PCDHA6: variants seen among roughly 807,000 people sequenced by gnomAD.
PCDHA6 encodes protocadherin alpha-6.
In PCDHA6, 55 loss-of-function variants were observed where a neutral mutation model predicts 60.3. The observed-to-expected ratio is 0.91, with a 90% CI of 0.73 to 1.14. The LOEUF (loss-of-function observed/expected upper bound fraction) is 1.14, where lower values mean the gene tolerates loss of function less well. PCDHA6 is among the 50% of genes most tolerant of loss of function. The pLI, the probability that PCDHA6 is intolerant of heterozygous loss-of-function variation, is 0.00. For missense variants in PCDHA6, 1,327 were observed against 1,256.5 expected, an observed-to-expected ratio of 1.06 and a Z score of -0.85; for synonymous variants, 652 against 557.9, an observed-to-expected ratio of 1.17 and a Z score of -2.38.
intron 1 of PCDHA6, chr5:140,863,859 G>A (rs1448688968): frequency 1.7e-5 from 3 of 176,552 alleles, no homozygotes; most frequent in African/African-American, 4.8e-5. Flanking sequence ...AAATTAGCTG[G>A]GTGTGGTGGT....
intron 1 of PCDHA6, among the ~76,000 whole-genome samples, chr5:140,955,338 C>T (rs1232401709): frequency 6.6e-6 from 1 of 152,062 alleles, no homozygotes; most frequent in African/African-American, 2.4e-5. Flanking sequence ...TCCCATAATC[C>T]CCACATGTTG....
intron 1 of PCDHA6, chr5:140,929,227 G>T (rs141300036): frequency 1.2e-6 from 2 of 1,613,774 alleles, no homozygotes; most frequent in Non-Finnish European, 1.7e-6. Context: ...CAATGCTGCC[G>T]ACCTGCGAAA....
At chr5:140,875,953 G>T (rs782793293) in intron 1 of PCDHA6, 1 of 1,614,066 alleles carries the variant, frequency 6.2e-7, no homozygotes, top group African/African-American at 1.3e-5. Context: ...TTCTGATGCG[G>T]ATATCGGCGT....
At chr5:140,988,942 G>C (rs1236805502) in intron 3 of PCDHA6, 1 of 152,180 alleles carries the variant, frequency 6.6e-6, no homozygotes, top group East Asian at 1.9e-4. Context: ...CTCTTAGGCT[G>C]CAGTTTCCTT....
At chr5:140,876,328 C>A in intron 1 of PCDHA6, 1 of 1,613,940 alleles carries the variant, frequency 6.2e-7, no homozygotes, top group Non-Finnish European at 8.5e-7. Flanking sequence ...AATGATTTTG[C>A]CAGTGAGTGA....
chr5:140,932,430 G>A (rs1563132683), intron 1 of PCDHA6, among the ~76,000 whole-genome samples: 1 of 151,794 alleles, frequency 6.6e-6, no homozygotes, highest in East Asian at 1.9e-4. Context: ...TGTTCACCTG[G>A]AATTAAAGCA....
chr5:140,924,978 T>A (rs2082232142), intron 1 of PCDHA6, among the ~76,000 whole-genome samples: 1 of 151,330 alleles, frequency 6.6e-6, no homozygotes, highest in Non-Finnish European at 1.5e-5. Flanking sequence ...CAGTGGCTCA[T>A]GTCTGTAATC....
Position 140,856,093 on chromosome 5 carries a change from C to T in PCDHA6, c.2394+25608C>T, listed in dbSNP as rs533343357. 16 of 1,597,146 alleles carry T rather than the reference C, an allele frequency of 1.0e-5. 3 individuals are homozygous for T. Among genetic ancestry groups the T allele is most frequent in the South Asian group, 7.7e-5 (7 of 90,462 alleles). ...GCCTGGGGGTCCAGTGTCTGCTGCT[C>T]TCGCTTCTTCTCCTCGCAGCCTGGG... is the stretch of plus-strand genomic sequence containing the variant. On this transcript the variant is annotated intron_variant, in intron 1 of 3. Coordinates refer to ENST00000529310, the MANE Select transcript of PCDHA6 (RefSeq NM_018909.4).
intron 1 of PCDHA6, chr5:140,862,360 G>C (rs920511235): frequency 6.0e-6 from 2 of 334,746 alleles, no homozygotes; most frequent in Non-Finnish European, 1.2e-5. Flanking sequence ...AGGGACAGAC[G>C]ACCCGCACCC....
chr5:140,871,253 A>G (rs1372338399), intron 1 of PCDHA6: 1 of 1,613,856 alleles, frequency 6.2e-7, no homozygotes, highest in Non-Finnish European at 8.5e-7. Context: ...CTGCTGCTGT[A>G]TACGGCGCTG....
At chr5:140,941,095 A>C (rs2092727620) in intron 1 of PCDHA6, among the ~76,000 whole-genome samples, 1 of 152,062 alleles carries the variant, frequency 6.6e-6, no homozygotes, top group South Asian at 2.1e-4. Flanking sequence ...TAGTTTTCAC[A>C]TACTATTACT....
At chr5:140,967,279 T>A in intron 1 of PCDHA6, 1 of 1,613,002 alleles carries the variant, frequency 6.2e-7, no homozygotes, top group Non-Finnish European at 8.5e-7. Context: ...ACATAGAGAG[T>A]GCGCAGGACC....
intron 1 of PCDHA6, among the ~76,000 whole-genome samples, chr5:140,844,624 A>G (rs1293220990): frequency 6.7e-6 from 1 of 149,582 alleles, no homozygotes; most frequent in Non-Finnish European, 1.5e-5. Context: ...TTTCATCAGA[A>G]AAACTATACA....
At chr5:140,837,516 C>CT (rs1554136502) in intron 1 of PCDHA6, among the ~76,000 whole-genome samples, 2 of 151,568 alleles carry the variant, frequency 1.3e-5, no homozygotes, top group African/African-American at 4.9e-5. Flanking sequence ...AAGCAGTTTA[C>CT]TTTTTTTGTA....
chr5:140,834,695 C>A (rs2150224453), intron 1 of PCDHA6: 1 of 1,614,120 alleles, frequency 6.2e-7, no homozygotes, highest in Non-Finnish European at 8.5e-7. Context: ...AGTGCAGCAT[C>A]CACCTGGAGG....
intron 1 of PCDHA6, chr5:140,834,461 A>C: frequency 6.3e-7 from 1 of 1,589,356 alleles, no homozygotes; most frequent in Non-Finnish European, 8.6e-7. Context: ...CTTGGGAGGC[A>C]GGGAGAGGCC....
chr5:140,970,405 C>T (rs1361647284), intron 1 of PCDHA6, among the ~76,000 whole-genome samples: 1 of 152,120 alleles, frequency 6.6e-6, no homozygotes, highest in Non-Finnish European at 1.5e-5. Flanking sequence ...GATGGCTTAC[C>T]CTACAGTAAG....
intron 1 of PCDHA6, among the ~76,000 whole-genome samples, chr5:140,964,205 T>C (rs1483183685): frequency 6.6e-6 from 1 of 152,212 alleles, no homozygotes; most frequent in Admixed American, 6.5e-5. Context: ...TACCATCTCT[T>C]TAGTACAATG....
chr5:140,857,802 T>G (rs251364), intron 1 of PCDHA6: 998,681 of 1,596,370 alleles, frequency 0.63, 345,026 homozygotes, highest in African/African-American at 0.69. Context: ...CGGTCGGTGG[T>G]TGCGGGTCAC....
Sources: gnomAD v4.1 joint callset for allele counts (sites outside exome capture counted in the v4.1 genomes callset) on GRCh38, gnomAD v4.1.1 for gene constraint, MANE v1.5 for transcripts, NCBI Gene and HGNC (gene_info 2026-07-23, HGNC 2026-07-21) for gene names.